Variants in FRMD4A observed in about 807,000 individuals in gnomAD.
FRMD4A encodes FERM domain containing 4A.
FRMD4A carries 29 observed loss-of-function variants against 129.1 expected under a neutral mutation model. The observed-to-expected ratio is 0.22, with a 90% CI of 0.17 to 0.31. The LOEUF (loss-of-function observed/expected upper bound fraction) is 0.31, where lower values mean the gene tolerates loss of function less well. Among genes scored for constraint, FRMD4A ranks in the 10% least tolerant of loss-of-function variants. The pLI is 1.00. For synonymous variants in FRMD4A, 634 were observed against 571.6 expected (o/e 1.11, Z -1.56); for missense variants, 1,272 against 1,375.8 (o/e 0.92, Z 1.19).
At chr10:14,185,651 G>A (rs373599207) in intron 2 of FRMD4A, among the ~76,000 whole-genome samples, 6 of 152,166 alleles carry the variant, frequency 3.9e-5, no homozygotes, top group Non-Finnish European at 5.9e-5. Context: ...CTGCAGGGGC[G>A]GTTGTTAGCT....
At chr10:13,789,720 C>T (rs1328094061) in intron 5 of FRMD4A, among the ~76,000 whole-genome samples, 1 of 142,662 alleles carries the variant, frequency 7.0e-6, no homozygotes. Flanking sequence ...CAATGGTTTG[C>T]AGTTCAAGGT....
intron 2 of FRMD4A, among the ~76,000 whole-genome samples, chr10:13,888,865 G>A (rs536898614): frequency 6.6e-6 from 1 of 152,194 alleles, no homozygotes; most frequent in South Asian, 2.1e-4. Context: ...TATTGAACTA[G>A]GAATTCTTCA....
intron 2 of FRMD4A, among the ~76,000 whole-genome samples, chr10:14,056,491 A>G (rs1834537502): frequency 6.6e-6 from 1 of 151,304 alleles, no homozygotes; most frequent in Non-Finnish European, 1.5e-5. Context: ...CTGAATAAGT[A>G]GGTCTAATTC....
intron 2 of FRMD4A, among the ~76,000 whole-genome samples, chr10:14,238,939 G>A (rs1843930754): frequency 6.6e-6 from 1 of 152,106 alleles, no homozygotes; most frequent in Admixed American, 6.5e-5. Context: ...ATCATTGATG[G>A]GTATTTTGGT....
At chr10:14,179,122 G>T (rs1841827425) in intron 2 of FRMD4A, among the ~76,000 whole-genome samples, 1 of 152,178 alleles carries the variant, frequency 6.6e-6, no homozygotes, top group South Asian at 2.1e-4. Flanking sequence ...CATCTCTTGG[G>T]CTTAAACACT....
chr10:13,866,662 C>A (rs1419356853), intron 2 of FRMD4A, among the ~76,000 whole-genome samples: 1 of 152,186 alleles, frequency 6.6e-6, no homozygotes, highest in African/African-American at 2.4e-5. Flanking sequence ...GAAAGGACTT[C>A]AGGCAATTTA....
At position 13,666,059 on chromosome 10, in the gene FRMD4A, C is replaced by T. The variant is rs183208367; in HGVS notation, c.1603+38G>A. 2.0e-3 allele frequency: 2,542 copies of T among 1,290,470 alleles called. 9 individuals are homozygous for T. The highest frequency in any genetic ancestry group is 2.6e-3 in the Non-Finnish European group (2,302 of 886,304). The allele number at this position is 1,290,470 out of a possible 1,614,324, so 79.9% of individuals were successfully genotyped here. On this transcript the variant is annotated intron_variant, in intron 18 of 24. Transcript: ENST00000357447. ...TGGCGTCTGGTTGCCGGGGCCCGGG[C>T]GTGGGAGTGGGGTGGGGGCAGCCCG...
At chr10:14,147,280 G>T (rs1356133687) in intron 2 of FRMD4A, among the ~76,000 whole-genome samples, 1 of 152,100 alleles carries the variant, frequency 6.6e-6, no homozygotes, top group African/African-American at 2.4e-5. Context: ...CCTAAGAGTG[G>T]GAGAGTTGCC....
chr10:13,856,013 ACTAT>A (rs67479789), intron 3 of FRMD4A, among the ~76,000 whole-genome samples: 63,495 of 147,660 alleles, frequency 0.43, 13,557 homozygotes, highest in Middle Eastern at 0.48. Flanking sequence ...ACACACAAAT[ACTAT>A]CTATCTATCT....
intron 2 of FRMD4A, among the ~76,000 whole-genome samples, chr10:14,279,182 ATTTT>A (rs1223887250): frequency 0.22 from 21,377 of 99,060 alleles, 1,342 homozygotes; most frequent in Middle Eastern, 0.35. Flanking sequence ...AGGAAGCGGG[ATTTT>A]TTTTTTTTTT....
chr10:13,739,826 G>A (rs538372987), intron 11 of FRMD4A, among the ~76,000 whole-genome samples: 17 of 152,344 alleles, frequency 1.1e-4, no homozygotes, highest in East Asian at 3.9e-4. Flanking sequence ...AGGGCCAGGC[G>A]CGGTGGCTCA....
intron 6 of FRMD4A, among the ~76,000 whole-genome samples, chr10:13,778,306 A>G (rs75809929): frequency 0.014 from 2,145 of 152,258 alleles, 97 homozygotes; most frequent in South Asian, 0.12. Context: ...TTATAATGAG[A>G]AAGTGGGGTC....
chr10:13,661,924 T>C (rs2134675631), intron 19 of FRMD4A, among the ~76,000 whole-genome samples: 1 of 152,230 alleles, frequency 6.6e-6, no homozygotes, highest in African/African-American at 2.4e-5. Flanking sequence ...CACTCCTCCT[T>C]TGCCCTCAAA....
chr10:13,778,370 C>G (rs1008378070), intron 6 of FRMD4A, among the ~76,000 whole-genome samples: 3 of 151,872 alleles, frequency 2.0e-5, no homozygotes, highest in African/African-American at 4.8e-5. Flanking sequence ...TCTTTTCCCT[C>G]CATTCGGCAA....
intron 8 of FRMD4A, among the ~76,000 whole-genome samples, chr10:13,758,644 A>G (rs1172282866): frequency 2.6e-5 from 4 of 152,150 alleles, no homozygotes; most frequent in South Asian, 2.1e-4. Flanking sequence ...CTGATATTCA[A>G]TCTGTGAGGT....
At chr10:14,279,347 TG>T (rs1187558979) in intron 2 of FRMD4A, among the ~76,000 whole-genome samples, 10 of 151,884 alleles carry the variant, frequency 6.6e-5, no homozygotes. Context: ...CCACCATATT[TG>T]GCAAATTTAT....
intron 2 of FRMD4A, among the ~76,000 whole-genome samples, chr10:13,929,352 C>T (rs560400656): frequency 5.3e-5 from 8 of 152,306 alleles, no homozygotes; most frequent in Admixed American, 3.3e-4. Flanking sequence ...GGAGGTACAG[C>T]GTGCTACCTG....
intron 2 of FRMD4A, among the ~76,000 whole-genome samples, chr10:14,277,024 C>A (rs1845365526): frequency 6.6e-6 from 1 of 152,166 alleles, no homozygotes; most frequent in Admixed American, 6.5e-5. Context: ...ACAACCATAC[C>A]TAGCTAATTT....
At chr10:13,738,868 G>A (rs796331899) in intron 11 of FRMD4A, among the ~76,000 whole-genome samples, 7 of 152,264 alleles carry the variant, frequency 4.6e-5, no homozygotes, top group African/African-American at 1.4e-4. Flanking sequence ...TGATCCACCC[G>A]TCTTGGCCTC....
Sources: allele counts gnomAD v4.1 joint callset (sites outside exome capture counted in the v4.1 genomes callset), GRCh38; gene constraint gnomAD v4.1.1; transcripts MANE v1.5; gene names NCBI Gene and HGNC (gene_info 2026-07-23, HGNC 2026-07-21).